Variants in COL22A1 observed in about 807,000 individuals in gnomAD.
The protein encoded by COL22A1 is collagen type XXII alpha 1 chain, also known as collagen alpha-1(XXII) chain.
In COL22A1, 221 loss-of-function variants were observed where a neutral mutation model predicts 248.9. The ratio of observed to expected loss-of-function variants is 0.89; its 90% confidence interval spans 0.80 to 0.99. The LOEUF (loss-of-function observed/expected upper bound fraction) is 0.99. COL22A1 is among the 50% of genes least tolerant of loss of function. The pLI, the probability that COL22A1 is intolerant of heterozygous loss-of-function variation, is 0.00. For missense variants in COL22A1, 2,240 were observed against 2,179.0 expected (o/e 1.03, Z -0.56); for synonymous variants, 891 against 793.4 (o/e 1.12, Z -2.07).
intron 31 of COL22A1, among the ~76,000 whole-genome samples, chr8:138,702,445 G>C (rs187690787): frequency 2.8e-4 from 42 of 152,164 alleles, no homozygotes; most frequent in Middle Eastern, 3.4e-3. Flanking sequence ...TGGGATTTCT[G>C]AGTGCACAGG....
chr8:138,712,039 GT>G (rs2058780377), intron 30 of COL22A1, among the ~76,000 whole-genome samples: 1 of 152,184 alleles, frequency 6.6e-6, no homozygotes, highest in Admixed American at 6.5e-5. Flanking sequence ...CCCTCATGGG[GT>G]TGGCCTGAGA....
intron 3 of COL22A1, among the ~76,000 whole-genome samples, chr8:138,875,826 G>A (rs1189622462): frequency 6.6e-6 from 1 of 152,212 alleles, no homozygotes; most frequent in Non-Finnish European, 1.5e-5. Flanking sequence ...CTATAAGGTT[G>A]TGATATGGGT....
intron 16 of COL22A1, among the ~76,000 whole-genome samples, chr8:138,773,657 C>A (rs1834580593): frequency 6.6e-6 from 1 of 152,238 alleles, no homozygotes; most frequent in South Asian, 2.1e-4. Context: ...GCAGGTGTTG[C>A]CCGCTAAACT....
intron 22 of COL22A1, among the ~76,000 whole-genome samples, chr8:138,750,817 A>T (rs1832529983): frequency 6.6e-6 from 1 of 152,224 alleles, no homozygotes; most frequent in South Asian, 2.1e-4. Flanking sequence ...CTTGGTGGGA[A>T]CTGGGGACAC....
chr8:138,850,705 G>C (rs957238258), intron 3 of COL22A1, among the ~76,000 whole-genome samples: 1 of 152,234 alleles, frequency 6.6e-6, no homozygotes, highest in Non-Finnish European at 1.5e-5. Context: ...AGAACCTCGA[G>C]CTCCAAGGTT....
At chr8:138,643,827 G>A (rs768793350) in intron 47 of COL22A1, among the ~76,000 whole-genome samples, 6 of 152,136 alleles carry the variant, frequency 3.9e-5, no homozygotes, top group Non-Finnish European at 8.8e-5. Context: ...AGCCTCCCAA[G>A]TAGCTGGGAT....
intron 1 of COL22A1, among the ~76,000 whole-genome samples, chr8:138,904,245 G>C (rs1369417232): frequency 6.6e-6 from 1 of 151,972 alleles, no homozygotes; most frequent in Admixed American, 6.6e-5. Flanking sequence ...TTTCATCTTT[G>C]ATTGACAACT....
chr8:138,850,284 G>A (rs1821533776), intron 3 of COL22A1, among the ~76,000 whole-genome samples: 1 of 152,232 alleles, frequency 6.6e-6, no homozygotes. Flanking sequence ...CCTTTAGGCA[G>A]GAGAGAGGGC....
rs1334736866 is a variant in COL22A1, at chr8:138,820,059, T to C, written c.1245+1077A>G. Among the ~76,000 whole-genome samples the C allele has an allele frequency of 2.6e-4, 39 of 151,858 alleles. 1 individual carries two copies. Among genetic ancestry groups the C allele is most frequent in the Admixed American group, 2.6e-3 (39 of 15,244 alleles). The stretch of plus-strand genomic sequence containing the variant: ...CACTAACAGGAGAATGAATGACGTA[T>C]GAATGAATATATAACAAAGCATTAT... On this transcript the variant is annotated intron_variant, in intron 7 of 64. Coordinates refer to ENST00000303045, the MANE Select transcript of COL22A1 (RefSeq NM_152888.3).
chr8:138,839,090 G>A (rs1266444813), intron 4 of COL22A1, among the ~76,000 whole-genome samples: 1 of 152,198 alleles, frequency 6.6e-6, no homozygotes, highest in African/African-American at 2.4e-5. Context: ...TCAGGAAAGG[G>A]ATGATTTGAT....
intron 52 of COL22A1, 41 bp from the exon 53 acceptor site, chr8:138,619,549 G>A (rs368458366): frequency 4.4e-6 from 7 of 1,573,414 alleles, no homozygotes; most frequent in Non-Finnish European, 6.1e-6. Context: ...GGACAACATT[G>A]TAAGAATCTT....
intron 16 of COL22A1, among the ~76,000 whole-genome samples, chr8:138,773,485 G>C (rs529916762): frequency 6.6e-6 from 1 of 152,178 alleles, no homozygotes; most frequent in African/African-American, 2.4e-5. Context: ...TCCTTACAGG[G>C]GATCTGGCCG....
chr8:138,786,641 C>CAA (rs1158104180), intron 12 of COL22A1, among the ~76,000 whole-genome samples: 1 of 152,180 alleles, frequency 6.6e-6, no homozygotes, highest in Non-Finnish European at 1.5e-5. Flanking sequence ...CACAGTGGCT[C>CAA]ACGCTTGTAA....
intron 6 of COL22A1, among the ~76,000 whole-genome samples, chr8:138,824,552 C>A (rs563182440): frequency 6.6e-6 from 1 of 152,200 alleles, no homozygotes; most frequent in Non-Finnish European, 1.5e-5. Flanking sequence ...GCCTACAAGA[C>A]TTATTGAAAC....
chr8:138,708,772 C>A (rs1828698586), intron 30 of COL22A1, among the ~76,000 whole-genome samples: 1 of 152,088 alleles, frequency 6.6e-6, no homozygotes, highest in African/African-American at 2.4e-5. Flanking sequence ...GCAACAAAAG[C>A]CAAAATTGAC....
intron 3 of COL22A1, among the ~76,000 whole-genome samples, chr8:138,875,105 A>C (rs1196925196): frequency 6.6e-6 from 1 of 152,192 alleles, no homozygotes; most frequent in Non-Finnish European, 1.5e-5. Flanking sequence ...AGACAGAGGA[A>C]CCTGGAAATG....
chr8:138,720,714 T>C (rs1479181256), intron 27 of COL22A1, 25 bp downstream of exon 27: 3 of 1,598,324 alleles, frequency 1.9e-6, no homozygotes, highest in Non-Finnish European at 2.6e-6. Flanking sequence ...GCAAGCATAA[T>C]GGGAAAAAGA....
chr8:138,668,887 C>T (rs1482208876), intron 41 of COL22A1, among the ~76,000 whole-genome samples: 2 of 152,180 alleles, frequency 1.3e-5, no homozygotes, highest in Admixed American at 6.5e-5. Flanking sequence ...GGAACCTTCA[C>T]CCAGAGGGGG....
At chr8:138,755,120 T>C (rs1267462637) in intron 21 of COL22A1, 37 bp downstream of exon 21, 11 of 1,604,250 alleles carry the variant, frequency 6.9e-6, no homozygotes, top group Non-Finnish European at 7.7e-6. Flanking sequence ...AAGAGAAGCG[T>C]GCAGAGCAAA....
Sources: gnomAD v4.1 joint callset for allele counts (sites outside exome capture counted in the v4.1 genomes callset) on GRCh38, gnomAD v4.1.1 for gene constraint, MANE v1.5 for transcripts, NCBI Gene and HGNC (gene_info 2026-07-23, HGNC 2026-07-21) for gene names.